The following DISC1 variants were observed in gnomAD, a reference collection of about 807,000 sequenced individuals.
DISC1 encodes the protein disrupted in schizophrenia 1 protein.
In DISC1, 57 loss-of-function variants were observed where a neutral mutation model predicts 84.5. The ratio of observed to expected loss-of-function variants is 0.67; its 90% CI spans 0.55 to 0.84. DISC1 has a LOEUF of 0.84. Ranked by LOEUF, DISC1 falls within the 40% of genes least tolerant of loss-of-function variation. The probability of loss-of-function intolerance (pLI) is 0.00; values close to 1 mark genes in which losing one functional copy is unlikely to be tolerated. For missense variants in DISC1, 1,000 were observed against 1,057.8 expected (o/e 0.95, Z 0.76); for synonymous variants, 411 against 415.2 (o/e 0.99, Z 0.12).
chr1:231,729,733 G>A (rs1045181624), intron 3 of DISC1, among the ~76,000 whole-genome samples: 4 of 133,902 alleles, frequency 3.0e-5, no homozygotes, highest in Non-Finnish European at 6.3e-5. Flanking sequence ...TTGACTAGCT[G>A]TTGTATCTTG....
intron 10 of DISC1, among the ~76,000 whole-genome samples, chr1:232,007,105 A>T (rs1292823169): frequency 2.0e-5 from 3 of 152,276 alleles, no homozygotes; most frequent in Middle Eastern, 3.4e-3. Context: ...AAACGCCTGG[A>T]TTTCCAGGCA....
intron 4 of DISC1, among the ~76,000 whole-genome samples, chr1:231,752,815 C>T (rs2074756747): frequency 6.6e-6 from 1 of 152,254 alleles, no homozygotes; most frequent in Non-Finnish European, 1.5e-5. Flanking sequence ...GGTTAATACT[C>T]CTGTTCCAAA....
intron 9 of DISC1, among the ~76,000 whole-genome samples, chr1:231,918,421 C>G (rs186239008): frequency 1.1e-4 from 16 of 152,126 alleles, no homozygotes; most frequent in Non-Finnish European, 1.6e-4. Context: ...CTCCAAGAAG[C>G]CTTTCAGATT....
At chr1:231,939,620 A>G (rs2091184054) in intron 9 of DISC1, among the ~76,000 whole-genome samples, 1 of 152,124 alleles carries the variant, frequency 6.6e-6, no homozygotes, top group Non-Finnish European at 1.5e-5. Flanking sequence ...TTACATGCTA[A>G]TCTTCAATCA....
At chr1:231,774,959 C>G (rs972717278) in intron 6 of DISC1, 1 of 352,682 alleles carries the variant, frequency 2.8e-6, no homozygotes, top group Non-Finnish European at 5.6e-6. Context: ...GCCAAATGAA[C>G]CCATCTTACA....
intron 7 of DISC1, 58 bp from the exon 8 acceptor site, chr1:231,800,050 C>G: frequency 7.3e-7 from 1 of 1,366,728 alleles, no homozygotes; most frequent in Non-Finnish European, 1.0e-6. Context: ...GGCTGTTCCA[C>G]TGCCTTCTGA....
chr1:231,757,308 T>G (rs1317895112), intron 4 of DISC1, among the ~76,000 whole-genome samples: 4 of 152,208 alleles, frequency 2.6e-5, no homozygotes, highest in Admixed American at 6.5e-5. Flanking sequence ...TCCTGAGTTA[T>G]TCGTTCACTC....
At chr1:231,973,856 C>T (rs1460524909) in intron 10 of DISC1, among the ~76,000 whole-genome samples, 2 of 152,116 alleles carry the variant, frequency 1.3e-5, no homozygotes, top group South Asian at 2.1e-4. Context: ...ATTTTCAGGG[C>T]TCAAAAGTGA....
At chr1:231,853,841 G>A (rs371484337) in intron 9 of DISC1, among the ~76,000 whole-genome samples, 13 of 152,342 alleles carry the variant, frequency 8.5e-5, no homozygotes, top group African/African-American at 2.9e-4. Flanking sequence ...GGCATCTCCA[G>A]TGCCTGTATC....
Position 231,818,346 on chromosome 1 carries a change from G to A in DISC1, c.1810G>A (p.Ala604Thr). The change falls in exon 9 of 13, where the codon GCT becomes ACT. Residue 604 changes from alanine to threonine, a missense_variant. Coordinates refer to ENST00000439617, the MANE Select transcript of DISC1 (RefSeq NM_018662.3). Reference protein sequence around the residue: ...HAISGNHFWTAKDLTEEIRSL... With the variant: ...HAISGNHFWTTKDLTEEIRSL... Reference sequence around the variant, plus strand: ...TGCTGTAGGAAACCATTTCTGGACGGCTAAAGACCTCACCGAGGAGATTAG... The same window carrying A: ...TGCTGTAGGAAACCATTTCTGGACGACTAAAGACCTCACCGAGGAGATTAG... 2 of 1,613,960 alleles carry A rather than the reference G, an allele frequency of 1.2e-6. No homozygotes were observed. The highest frequency in any genetic ancestry group is 1.7e-6 in the Non-Finnish European group (2 of 1,179,886).
At chr1:231,711,570 G>A (rs1446006632) in intron 3 of DISC1, among the ~76,000 whole-genome samples, 5 of 151,040 alleles carry the variant, frequency 3.3e-5, no homozygotes, top group South Asian at 4.2e-4. Flanking sequence ...GGGTTTCACC[G>A]TGTTAGCCAG....
In DISC1 at chr1:231,962,887, C is replaced by T. The variant is rs182885108; in HGVS notation, c.2042+3999C>T. On this transcript the variant is annotated intron_variant, in intron 10 of 12. Coordinates refer to ENST00000439617, the MANE Select transcript of DISC1 (RefSeq NM_018662.3). ...TGGGCTCATGCTGGCTCACCAGCCT[C>T]CTTTCTCACTCAGTTCCCAGTCTTG... 5.2e-4 allele frequency among the ~76,000 whole-genome samples: 79 copies of T among 152,274 alleles called. No homozygotes were observed. In the South Asian group the frequency reaches 6.0e-3, roughly 12 times the overall value.
chr1:231,701,574 G>A (rs1012390872), intron 2 of DISC1, among the ~76,000 whole-genome samples: 1 of 152,148 alleles, frequency 6.6e-6, no homozygotes, highest in African/African-American at 2.4e-5. Context: ...TGGTTTCTCT[G>A]CCAATTTTGG....
chr1:231,664,640 C>A, intron 1 of DISC1, among the ~76,000 whole-genome samples: 1 of 152,140 alleles, frequency 6.6e-6, no homozygotes. Context: ...AATTCACTGA[C>A]ACCTTGATTT....
intron 10 of DISC1, among the ~76,000 whole-genome samples, chr1:231,994,355 C>T (rs1665623210): frequency 6.6e-6 from 1 of 152,092 alleles, no homozygotes; most frequent in Non-Finnish European, 1.5e-5. Context: ...AGCAAGTGTC[C>T]CAGAAGAACC....
rs141897816 is a variant in DISC1 at position 231,957,739 on chromosome 1, AT to A, written c.1982-1088del. 2.8e-3 allele frequency among the ~76,000 whole-genome samples: 425 copies of A among 152,348 alleles called. 3 individuals are homozygous for A. Among genetic ancestry groups the A allele is most frequent in the African/African-American group, 9.9e-3 (411 of 41,588 alleles). ...ATCTTTTATGGACTAATGAACCAGA[AT>A]GTTTAATTGTTTTAATTTCCATCTA... On this transcript the variant is annotated intron_variant, in intron 9 of 12. Transcript: ENST00000439617.
At chr1:231,627,499 G>T (rs1466119712) in intron 1 of DISC1, among the ~76,000 whole-genome samples, 1 of 152,244 alleles carries the variant, frequency 6.6e-6, no homozygotes, top group South Asian at 2.1e-4. Flanking sequence ...CAGTGTCACC[G>T]CCCACTTCCT....
chr1:231,874,828 G>A lies in DISC1; in HGVS notation c.1981+56311G>A, dbSNP rs540158066. On this transcript the variant is annotated intron_variant, in intron 9 of 12. Transcript: ENST00000439617. ...CGGGAGGCTGAGGCAGGAGAATGGC[G>A]TGAACTGGAGAGGCGGAGCTTGCAG... Among the ~76,000 whole-genome samples, 297 of 150,818 alleles carry A rather than the reference G, an allele frequency of 2.0e-3. 1 individual carries two copies. Among genetic ancestry groups the A allele is most frequent in the Non-Finnish European group, 3.3e-3 (223 of 67,752 alleles).
intron 8 of DISC1, among the ~76,000 whole-genome samples, chr1:231,817,505 A>G (rs1372377767): frequency 6.6e-6 from 1 of 152,230 alleles, no homozygotes; most frequent in Non-Finnish European, 1.5e-5. Context: ...ACCAATATTG[A>G]ACTTCCAGTG....
Sources: allele counts gnomAD v4.1 joint callset (sites outside exome capture counted in the v4.1 genomes callset), GRCh38; gene constraint gnomAD v4.1.1; transcripts MANE v1.5; gene names NCBI Gene and HGNC (gene_info 2026-07-23, HGNC 2026-07-21).